MAGI2: variants seen among roughly 807,000 people sequenced by gnomAD.
The protein encoded by MAGI2 is membrane-associated guanylate kinase, WW and PDZ domain-containing protein 2.
In MAGI2, 35 loss-of-function variants were observed where a neutral mutation model predicts 133.3. The ratio of observed to expected loss-of-function variants is 0.26; its 90% CI spans 0.20 to 0.35. The LOEUF (loss-of-function observed/expected upper bound fraction) is 0.35. Ranked by LOEUF, MAGI2 falls within the 10% of genes least tolerant of loss-of-function variation. MAGI2 has a pLI of 1.00. For synonymous variants in MAGI2, 729 were observed against 710.6 expected, an observed-to-expected ratio of 1.03 and a Z score of -0.41; for missense variants, 1,636 against 1,863.4, an observed-to-expected ratio of 0.88 and a Z score of 2.25.
intron 6 of MAGI2, among the ~76,000 whole-genome samples, chr7:78,418,827 A>G (rs1429057348): frequency 6.6e-6 from 1 of 152,182 alleles, no homozygotes; most frequent in Non-Finnish European, 1.5e-5. Flanking sequence ...AAAGCCTCGT[A>G]CATAGTAAAT....
At chr7:79,344,968 A>G (rs1352000732) in intron 1 of MAGI2, among the ~76,000 whole-genome samples, 1 of 152,072 alleles carries the variant, frequency 6.6e-6, no homozygotes, top group East Asian at 1.9e-4. Context: ...GGTAACTATG[A>G]GAGACAAATG....
intron 1 of MAGI2, among the ~76,000 whole-genome samples, chr7:79,404,935 T>G (rs1194418985): frequency 6.6e-6 from 1 of 152,042 alleles, no homozygotes; most frequent in African/African-American, 2.4e-5. Context: ...AGATCTTTAG[T>G]ATGGTTGGAG....
chr7:78,055,380 T>A (rs887461514), intron 21 of MAGI2, among the ~76,000 whole-genome samples: 1 of 152,212 alleles, frequency 6.6e-6, no homozygotes, highest in African/African-American at 2.4e-5. Context: ...TGAAGATGAA[T>A]GGAAACGCTT....
chr7:78,254,159 G>A (rs926561918), intron 10 of MAGI2: 1 of 152,160 alleles, frequency 6.6e-6, no homozygotes, highest in Non-Finnish European at 1.5e-5. Context: ...TGAGAATGGG[G>A]TAGCCAAGCT....
chr7:79,310,823 A>G (rs1838222711), intron 1 of MAGI2, among the ~76,000 whole-genome samples: 1 of 152,126 alleles, frequency 6.6e-6, no homozygotes, highest in South Asian at 2.1e-4. Flanking sequence ...CCATTCTCTC[A>G]TCTACTGAAG....
chr7:79,101,084 AT>A (rs1817931837), intron 1 of MAGI2, among the ~76,000 whole-genome samples: 2 of 152,074 alleles, frequency 1.3e-5, no homozygotes, highest in South Asian at 4.1e-4. Flanking sequence ...TCTTTCATTA[AT>A]TTTACATTAT....
intron 2 of MAGI2, among the ~76,000 whole-genome samples, chr7:78,881,728 A>G (rs867914048): frequency 6.6e-6 from 1 of 152,096 alleles, no homozygotes; most frequent in Non-Finnish European, 1.5e-5. Context: ...GTTAAAGCAG[A>G]GATCAAAAAA....
chr7:78,963,540 C>T (rs1452043503), intron 2 of MAGI2, among the ~76,000 whole-genome samples: 1 of 151,788 alleles, frequency 6.6e-6, no homozygotes, highest in African/African-American at 2.4e-5. Context: ...ATTGGGTGTT[C>T]CAAGTTCTAA....
At chr7:79,349,169 C>T (rs900492692) in intron 1 of MAGI2, among the ~76,000 whole-genome samples, 1 of 151,692 alleles carries the variant, frequency 6.6e-6, no homozygotes, top group African/African-American at 2.4e-5. Context: ...TATCAATATC[C>T]ATAAAAATTT....
chr7:79,192,859 T>C (rs1182370781), intron 1 of MAGI2, among the ~76,000 whole-genome samples: 1 of 151,932 alleles, frequency 6.6e-6, no homozygotes, highest in Non-Finnish European at 1.5e-5. Context: ...TCACTCTGTC[T>C]CTTTGAGAAC....
At chr7:78,116,767 A>G (rs1156671401) in intron 20 of MAGI2, among the ~76,000 whole-genome samples, 1 of 151,946 alleles carries the variant, frequency 6.6e-6, no homozygotes, top group African/African-American at 2.4e-5. Context: ...GGTCCTTGCT[A>G]CTTGGGAGGC....
chr7:79,143,759 G>T (rs1310795577), intron 1 of MAGI2, among the ~76,000 whole-genome samples: 1 of 152,064 alleles, frequency 6.6e-6, no homozygotes, highest in East Asian at 1.9e-4. Context: ...TTGAACAATA[G>T]TTAAAACATT....
chr7:78,766,673 C>A (rs1825058974), intron 2 of MAGI2, among the ~76,000 whole-genome samples: 1 of 152,238 alleles, frequency 6.6e-6, no homozygotes, highest in African/African-American at 2.4e-5. Flanking sequence ...TGGTGAATAT[C>A]ACCTAAATTT....
chr7:78,338,950 G>GCCTGGGCAACATAGTGAGAC (rs1420405941), intron 9 of MAGI2, among the ~76,000 whole-genome samples: 1 of 151,834 alleles, frequency 6.6e-6, no homozygotes, highest in East Asian at 1.9e-4. Flanking sequence ...AGTGCCACCA[G>GCCTGGGCAACATAGTGAGAC]CCTGGGCAAC....
chr7:78,486,557 G>A lies in MAGI2; in HGVS notation c.1045+3204C>T, dbSNP rs1793028150. ...GGCAGATGAGGCCACCTGACATGTT[G>A]TGTCTGAGACTCTGGCACTGAAGAC... On this transcript the variant is annotated intron_variant, in intron 6 of 21. Transcript: ENST00000354212. The A allele has an allele frequency of 1.6e-5, 4 of 245,476 alleles. No homozygotes were observed. In the Middle Eastern group the frequency reaches 1.5e-3, roughly 90 times the overall value. 15.2% of individuals were successfully genotyped at this position (245,476 alleles called of 1,614,324 possible). A position where few individuals can be genotyped will look rare whatever the true frequency, so the allele number is the denominator to read the frequency against.
intron 5 of MAGI2, among the ~76,000 whole-genome samples, chr7:78,497,026 A>G: frequency 6.6e-6 from 1 of 152,322 alleles, no homozygotes; most frequent in Middle Eastern, 3.4e-3. Flanking sequence ...AACGCTTAAC[A>G]GATGAACTAT....
intron 8 of MAGI2, chr7:78,345,651 G>C: frequency 2.5e-6 from 1 of 395,158 alleles, no homozygotes; most frequent in Non-Finnish European, 4.6e-6. Context: ...GAATCTCTCA[G>C]TTTACAGTGC....
At chr7:78,273,041 G>A (rs1054665557) in intron 9 of MAGI2, among the ~76,000 whole-genome samples, 4 of 152,146 alleles carry the variant, frequency 2.6e-5, no homozygotes, top group South Asian at 2.1e-4. Flanking sequence ...AGTGTCAATG[G>A]TCTTTACAAT....
chr7:78,559,214 T>A (rs1584631921), intron 3 of MAGI2, among the ~76,000 whole-genome samples: 1 of 126,752 alleles, frequency 7.9e-6, no homozygotes, highest in Non-Finnish European at 1.6e-5. Context: ...ATAGTGGGGC[T>A]CAAGAGAAAG....
Sources: allele counts gnomAD v4.1 joint callset (sites outside exome capture counted in the v4.1 genomes callset), GRCh38; gene constraint gnomAD v4.1.1; transcripts MANE v1.5; gene names NCBI Gene and HGNC (gene_info 2026-07-23, HGNC 2026-07-21).